MYLK: variants seen among roughly 807,000 people sequenced by gnomAD.
The protein encoded by MYLK is myosin light chain kinase, smooth muscle.
MYLK carries 106 observed loss-of-function variants against 203.4 expected under a neutral mutation model. That is an observed-to-expected ratio of 0.52 (90% CI 0.45 to 0.61). The LOEUF is 0.61. Ranked by LOEUF, MYLK falls within the 20% of genes least tolerant of loss-of-function variation. MYLK has a pLI of 0.00. For synonymous variants in MYLK, 867 were observed against 959.5 expected, an observed-to-expected ratio of 0.90 and a Z score of 1.78; for missense variants, 2,072 against 2,442.3, an observed-to-expected ratio of 0.85 and a Z score of 3.20.
intron 4 of MYLK, among the ~76,000 whole-genome samples, chr3:123,790,209 C>T (rs1015502987): frequency 5.3e-5 from 8 of 152,206 alleles, no homozygotes; most frequent in Non-Finnish European, 8.8e-5. Flanking sequence ...CAGGAAGCAA[C>T]GGAAGGGTGA....
chr3:123,766,262 C>T (rs143910899), intron 4 of MYLK, among the ~76,000 whole-genome samples: 40 of 152,340 alleles, frequency 2.6e-4, no homozygotes, highest in African/African-American at 9.4e-4. Flanking sequence ...TCTCATTGTG[C>T]TATGAATAAG....
rs557768597 is a variant in MYLK at position 123,698,521 on chromosome 3, G to A, written c.3448+1499C>T. ...GAGCCCCACAGGGGCGGCAGGACAG[G>A]TTGTGGCGTCTGCTCCTCTGAAGTC... On this transcript the variant is annotated intron_variant, in intron 18 of 33. Transcript: ENST00000360304. Among the ~76,000 whole-genome samples, 3 of 152,250 alleles carry A rather than the reference G, an allele frequency of 2.0e-5. No individual in the cohort carries two copies. The South Asian group carries it at 6.2e-4, about 32-fold the overall frequency.
chr3:123,789,479 G>T (rs931598878), intron 4 of MYLK, among the ~76,000 whole-genome samples: 9 of 152,000 alleles, frequency 5.9e-5, no homozygotes, highest in Non-Finnish European at 8.8e-5. Context: ...GTATCCCTTG[G>T]GCAGACAGGT....
chr3:123,674,708 T>C (rs764122751), intron 20 of MYLK, among the ~76,000 whole-genome samples: 1 of 152,246 alleles, frequency 6.6e-6, no homozygotes, highest in African/African-American at 2.4e-5. Context: ...CTACATGGAA[T>C]GTCTTTCAGT....
Position 123,735,435 on chromosome 3 carries a change from G to A in MYLK, c.755-19C>T. ...TCCAAACCTGGAAAAAGGGGGAAGGGTGGAAAGACTGTTAGTAGAATGCTG... is the reference window on the plus strand; with the variant it reads ...TCCAAACCTGGAAAAAGGGGGAAGGATGGAAAGACTGTTAGTAGAATGCTG... On this transcript the variant is annotated intron_variant, in intron 8 of 33. Transcript: ENST00000360304. The A allele has an allele frequency of 6.2e-7, 1 of 1,614,066 alleles. No individual in the cohort carries two copies. Among genetic ancestry groups the A allele is most frequent in the Non-Finnish European group, 8.5e-7 (1 of 1,179,958 alleles).
At chr3:123,749,739 T>TG (rs1457018624) in intron 5 of MYLK, among the ~76,000 whole-genome samples, 1 of 152,220 alleles carries the variant, frequency 6.6e-6, no homozygotes, top group African/African-American at 2.4e-5. Context: ...GGGGCAGCCA[T>TG]GAACTCCAAG....
intron 27 of MYLK, among the ~76,000 whole-genome samples, chr3:123,645,892 C>T (rs1439672662): frequency 6.6e-6 from 1 of 152,148 alleles, no homozygotes; most frequent in East Asian, 1.9e-4. Flanking sequence ...GCCTGTAATC[C>T]CAGCACTTTG....
chr3:123,737,223 G>GAAA (rs5852360), intron 8 of MYLK, 155 bp downstream of exon 8: 400 of 616,782 alleles, frequency 6.5e-4, no homozygotes, highest in Non-Finnish European at 8.2e-4. Flanking sequence ...TGTCTGAAGA[G>GAAA]AAAAAAAAAA....
chr3:123,718,144 G>A (rs965547985), intron 13 of MYLK, among the ~76,000 whole-genome samples: 9 of 152,140 alleles, frequency 5.9e-5, no homozygotes, highest in African/African-American at 2.2e-4. Flanking sequence ...TTACAGGCAT[G>A]AGACACTGTG....
At chr3:123,684,693 C>A (rs1490755360) in intron 19 of MYLK, among the ~76,000 whole-genome samples, 1 of 152,132 alleles carries the variant, frequency 6.6e-6, no homozygotes, top group South Asian at 2.1e-4. Flanking sequence ...TGAGTACACG[C>A]CTGACTAATT....
intron 4 of MYLK, among the ~76,000 whole-genome samples, chr3:123,762,741 G>A (rs1288385270): frequency 4.6e-5 from 7 of 151,948 alleles, no homozygotes; most frequent in Non-Finnish European, 1.0e-4. Context: ...TTTGCCCTTC[G>A]GCCTTCCACC....
intron 4 of MYLK, among the ~76,000 whole-genome samples, chr3:123,755,523 G>T (rs2063333386): frequency 6.6e-6 from 1 of 152,158 alleles, no homozygotes; most frequent in Non-Finnish European, 1.5e-5. Context: ...TGAAGCAAAG[G>T]CAGGAATTTT....
intron 7 of MYLK, among the ~76,000 whole-genome samples, 172 bp from the exon 8 acceptor site, chr3:123,737,715 C>G (rs1225797979): frequency 6.6e-6 from 1 of 152,140 alleles, no homozygotes; most frequent in Admixed American, 6.5e-5. Flanking sequence ...GTTCAGGGGC[C>G]CTGACTTGAG....
rs1235258077 is a variant in MYLK at position 123,851,509 on chromosome 3, G to A, written c.-126-19839C>T. Among the ~76,000 whole-genome samples, 4 of 145,114 alleles carry A rather than the reference G, an allele frequency of 2.8e-5. No individual in the cohort carries two copies. In the South Asian group the frequency reaches 9.3e-4, roughly 34 times the overall value. On this transcript the variant is annotated intron_variant, in intron 2 of 33. Transcript: ENST00000360304. ...GTATTTTATTCTCTTTGAAGCAATTGTGAATGGGAGTTCACTGATGATTTG... is the reference window on the plus strand; with the variant it reads ...GTATTTTATTCTCTTTGAAGCAATTATGAATGGGAGTTCACTGATGATTTG...
At chr3:123,785,159 C>A (rs563987526) in intron 4 of MYLK, among the ~76,000 whole-genome samples, 1 of 152,354 alleles carries the variant, frequency 6.6e-6, no homozygotes, top group African/African-American at 2.4e-5. Flanking sequence ...CAATGCAATG[C>A]CAAGAAAATC....
At chr3:123,766,926 G>A (rs2063723270) in intron 4 of MYLK, among the ~76,000 whole-genome samples, 1 of 152,212 alleles carries the variant, frequency 6.6e-6, no homozygotes, top group Non-Finnish European at 1.5e-5. Context: ...TTTGTTGGTG[G>A]CCTGTTTGGG....
chr3:123,654,713 C>CTTTTTTTTTTTTT, intron 24 of MYLK, among the ~76,000 whole-genome samples: 1 of 125,286 alleles, frequency 8.0e-6, no homozygotes, highest in Non-Finnish European at 1.6e-5. Flanking sequence ...TTCTTTAATT[C>CTTTTTTTTTTTTT]TTTTTTTTTT....
intron 4 of MYLK, among the ~76,000 whole-genome samples, chr3:123,778,456 T>C (rs1328764288): frequency 6.9e-6 from 1 of 145,402 alleles, no homozygotes; most frequent in Non-Finnish European, 1.5e-5. Context: ...GAGCTTGCAG[T>C]GAGCCAAGAT....
rs979540480 is a variant in MYLK at position 123,816,338 on chromosome 3, T to A, written c.-4+15210A>T. Among the ~76,000 whole-genome samples the A allele has an allele frequency of 2.6e-5, 4 of 152,332 alleles. No homozygotes were observed. The East Asian group carries it at 7.7e-4, about 29-fold the overall frequency. ...GACCTCTTTCAGCTCATGTCCTCCC[T>A]ATAATGGGGGGAAGATGGTAACAAC... On this transcript the variant is annotated intron_variant, in intron 3 of 33. Coordinates refer to ENST00000360304, the MANE Select transcript of MYLK (RefSeq NM_053025.4).
Sources: allele counts gnomAD v4.1 joint callset (sites outside exome capture counted in the v4.1 genomes callset), GRCh38; gene constraint gnomAD v4.1.1; transcripts MANE v1.5; gene names NCBI Gene and HGNC (gene_info 2026-07-23, HGNC 2026-07-21).